The following ARHGAP24 variants were observed in gnomAD, a reference collection of about 807,000 sequenced individuals.
ARHGAP24 encodes the protein Rho GTPase activating protein 24.
In ARHGAP24, 50 loss-of-function variants were observed where a neutral mutation model predicts 76.4. The observed-to-expected ratio is 0.65, with a 90% CI of 0.52 to 0.83. ARHGAP24 has a LOEUF of 0.83. ARHGAP24 is among the 40% of genes least tolerant of loss of function. The probability of loss-of-function intolerance (pLI) is 0.00; values close to 1 mark genes in which losing one functional copy is unlikely to be tolerated. For synonymous variants in ARHGAP24, 345 were observed against 323.3 expected (o/e 1.07, Z -0.72); for missense variants, 930 against 914.2 (o/e 1.02, Z -0.22).
chr4:85,720,806 C>T (rs34863045), intron 2 of ARHGAP24, among the ~76,000 whole-genome samples: 8 of 150,706 alleles, frequency 5.3e-5, no homozygotes, highest in Non-Finnish European at 1.0e-4. Context: ...AACAAAGAAA[C>T]AAAGGAAAGA....
chr4:85,878,256 A>G (rs557303089), intron 3 of ARHGAP24, among the ~76,000 whole-genome samples: 1 of 152,290 alleles, frequency 6.6e-6, no homozygotes, highest in South Asian at 2.1e-4. Context: ...TTTTTTAAAG[A>G]TCAATTTGAA....
chr4:85,756,833 C>T (rs1239120545), intron 3 of ARHGAP24, among the ~76,000 whole-genome samples: 2 of 152,264 alleles, frequency 1.3e-5, no homozygotes, highest in Non-Finnish European at 2.9e-5. Context: ...TCCAAAGCCC[C>T]GTGTTGACCA....
intron 3 of ARHGAP24, among the ~76,000 whole-genome samples, chr4:85,873,202 G>A (rs919738265): frequency 2.0e-5 from 3 of 152,260 alleles, no homozygotes; most frequent in Non-Finnish European, 2.9e-5. Flanking sequence ...CTGTGTTCAT[G>A]TTGGGTGAAT....
chr4:85,995,512 A>C lies in ARHGAP24; in HGVS notation c.1858A>C (p.Ser620Arg). The change falls in exon 9 of 10, where the codon AGT becomes CGT. Residue 620 changes from serine to arginine, a missense_variant. Ser to Arg is a moderately radical substitution (Grantham distance 110). Transcript: ENST00000395184. ...TGACCACAGGAGTGTGGGAGGTCGA[A>C]GTAGTCGTGCCACCAGTAGCAGTGA... ...KSDHRSVGGRSSRATSSSDNS... is the reference protein window; with the variant it reads ...KSDHRSVGGRRSRATSSSDNS... The C allele has an allele frequency of 6.2e-7, 1 of 1,604,140 alleles. No homozygotes were observed. The highest frequency in any genetic ancestry group is 8.5e-7 in the Non-Finnish European group (1 of 1,174,278).
At chr4:85,930,288 GA>G in intron 4 of ARHGAP24, 1 of 985,728 alleles carries the variant, frequency 1.0e-6, no homozygotes, top group African/African-American at 1.7e-5. Flanking sequence ...TTTGAAGACA[GA>G]AAGGAAAGGG....
chr4:85,895,012 A>AAAGC (rs1734094862), intron 3 of ARHGAP24, among the ~76,000 whole-genome samples: 1 of 33,400 alleles, frequency 3.0e-5, no homozygotes, highest in Non-Finnish European at 7.8e-5. Context: ...AAAAAAAAAA[A>AAAGC]AAAAAAAAAG....
chr4:85,495,419 C>T (rs1203725014), intron 1 of ARHGAP24, among the ~76,000 whole-genome samples: 1 of 136,010 alleles, frequency 7.4e-6, no homozygotes, highest in Admixed American at 8.2e-5. Flanking sequence ...GGCGCGATCT[C>T]GGCTCACTGC....
chr4:85,898,905 G>A (rs1734341022), intron 3 of ARHGAP24, among the ~76,000 whole-genome samples: 1 of 152,008 alleles, frequency 6.6e-6, no homozygotes, highest in African/African-American at 2.4e-5. Flanking sequence ...CACCATGCCT[G>A]GCTAATTTTT....
At chr4:85,550,061 C>T (rs1489098359) in intron 1 of ARHGAP24, among the ~76,000 whole-genome samples, 1 of 152,184 alleles carries the variant, frequency 6.6e-6, no homozygotes, top group Non-Finnish European at 1.5e-5. Flanking sequence ...CAGTGATGAA[C>T]ATAAATATGC....
intron 5 of ARHGAP24, among the ~76,000 whole-genome samples, chr4:85,970,998 ACACT>A (rs1360097315): frequency 6.6e-6 from 1 of 152,226 alleles, no homozygotes; most frequent in Non-Finnish European, 1.5e-5. Context: ...CTTGCCACTC[ACACT>A]CAGAAGAGGA....
At chr4:85,555,086 C>T (rs1726304866) in intron 1 of ARHGAP24, among the ~76,000 whole-genome samples, 1 of 152,182 alleles carries the variant, frequency 6.6e-6, no homozygotes, top group South Asian at 2.1e-4. Context: ...AATCTTGATG[C>T]TCTTCGTTCC....
chr4:85,788,129 CA>C (rs769102323), intron 3 of ARHGAP24, among the ~76,000 whole-genome samples: 3 of 152,094 alleles, frequency 2.0e-5, no homozygotes, highest in Non-Finnish European at 4.4e-5. Flanking sequence ...ATGAGGAAGC[CA>C]GTATATCAGA....
At chr4:85,494,415 A>AT (rs761585994) in intron 1 of ARHGAP24, among the ~76,000 whole-genome samples, 371 of 148,938 alleles carry the variant, frequency 2.5e-3, no homozygotes, top group African/African-American at 6.6e-3. Context: ...ATTATTATAC[A>AT]TTTTTTTTTT....
chr4:85,965,120 C>T (rs1738501433), intron 5 of ARHGAP24, among the ~76,000 whole-genome samples: 1 of 152,042 alleles, frequency 6.6e-6, no homozygotes, highest in Non-Finnish European at 1.5e-5. Flanking sequence ...CTGCGCAATT[C>T]ACAAAAGAAA....
At chr4:85,701,452 G>A (rs1005504025) in intron 2 of ARHGAP24, among the ~76,000 whole-genome samples, 1 of 151,904 alleles carries the variant, frequency 6.6e-6, no homozygotes. Context: ...CCCACCCTGA[G>A]TACCCAATAT....
At chr4:85,659,842 G>A (rs1256590993) in intron 2 of ARHGAP24, among the ~76,000 whole-genome samples, 1 of 152,114 alleles carries the variant, frequency 6.6e-6, no homozygotes. Context: ...GGATCCAGGG[G>A]TAGTACCACA....
intron 3 of ARHGAP24, among the ~76,000 whole-genome samples, chr4:85,733,487 A>G (rs574840230): frequency 2.7e-4 from 41 of 152,262 alleles, no homozygotes; most frequent in Non-Finnish European, 2.8e-4. Context: ...CACTGTTTTT[A>G]AAATAACATT....
chr4:85,855,104 A>G (rs950720320), intron 3 of ARHGAP24, among the ~76,000 whole-genome samples: 1 of 152,216 alleles, frequency 6.6e-6, no homozygotes, highest in African/African-American at 2.4e-5. Context: ...ATAGTATTCA[A>G]TTTTGAAAAA....
chr4:85,542,689 C>A (rs1725750274), intron 1 of ARHGAP24, among the ~76,000 whole-genome samples: 1 of 145,758 alleles, frequency 6.9e-6, no homozygotes, highest in Non-Finnish European at 1.5e-5. Context: ...ATAAAAGTAG[C>A]ATGTATGAAA....
Sources: allele counts gnomAD v4.1 joint callset (sites outside exome capture counted in the v4.1 genomes callset), GRCh38; gene constraint gnomAD v4.1.1; transcripts MANE v1.5; gene names NCBI Gene and HGNC (gene_info 2026-07-23, HGNC 2026-07-21).